MT1G: variants seen among roughly 807,000 people sequenced by gnomAD.
The protein encoded by MT1G is metallothionein 1G, also known as metallothionein-1G.
MT1G carries 8 observed loss-of-function variants against 9.1 expected under a neutral mutation model. That is an observed-to-expected ratio of 0.87 (90% CI 0.51 to 1.58). The LOEUF (loss-of-function observed/expected upper bound fraction) is 1.58. MT1G is among the 40% of genes most tolerant of loss of function. The pLI, the probability that MT1G is intolerant of heterozygous loss-of-function variation, is 0.00. For synonymous variants in MT1G, 31 were observed against 28.4 expected, an observed-to-expected ratio of 1.09 and a Z score of -0.29; for missense variants, 79 against 77.3, an observed-to-expected ratio of 1.02 and a Z score of -0.08.
chr16:56,667,942 G>A (rs1356319547), intron 1 of MT1G, 24 bp downstream of exon 1: 4 of 1,613,656 alleles, frequency 2.5e-6, no homozygotes, highest in African/African-American at 2.7e-5. Context: ...GCATCCCAAG[G>A]CACAGAACCC....
In MT1G at chr16:56,667,308, T is replaced by A. The variant is rs554864821; in HGVS notation, c.97+4A>T. 1.2e-5 allele frequency: 19 copies of A among 1,614,236 alleles called. No individual in the cohort carries two copies. In the African/African-American group the frequency reaches 2.0e-4, roughly 17 times the overall value. On this transcript the variant is annotated splice_donor_region_variant and intron_variant, in intron 2 of 2. Coordinates refer to ENST00000379811, the MANE Select transcript of MT1G (RefSeq NM_001301267.2). ...CAGATTCCTGGAGATGGCCCCGCACTCACTCTTCTTGCAGGAGGTGCATTT... is the reference window on the plus strand; with the variant it reads ...CAGATTCCTGGAGATGGCCCCGCACACACTCTTCTTGCAGGAGGTGCATTT...
At position 56,667,970 on chromosome 16, in the gene MT1G, G is replaced by A; in HGVS notation, c.24C>T (p.Ala8=). MDPNCSC[A]AAGVSCTCAS... ...CAGAACCCGGGCGTCCCTTACCAGC[G>A]GCACAGGAGCAGTTGGGGTCCATTG... Residue 8 remains alanine, a synonymous_variant, in exon 1 of 3, where the codon GCC becomes GCT. Transcript: ENST00000379811. 1 of 1,613,888 alleles carries A rather than the reference G, an allele frequency of 6.2e-7. No homozygotes were observed. The highest frequency in any genetic ancestry group is 8.5e-7 in the Non-Finnish European group (1 of 1,179,854).
At position 56,668,048 on chromosome 16, in the gene MT1G, G is replaced by T; in HGVS notation, c.-55C>A. ...AGCGAGAAGGGAAGAGGCAGTGGGT[G>T]CACGTGGAAGGCGGAGTGGAGCCCA... On this transcript the variant is annotated 5_prime_UTR_variant, in exon 1 of 3. Coordinates refer to ENST00000379811, the MANE Select transcript of MT1G (RefSeq NM_001301267.2). 1 of 1,589,712 alleles carries T rather than the reference G, an allele frequency of 6.3e-7. No individual in the cohort carries two copies. Among genetic ancestry groups the T allele is most frequent in the Admixed American group, 1.7e-5 (1 of 59,862 alleles).
chr16:56,668,012 T>C lies in MT1G; in HGVS notation c.-19A>G, dbSNP rs757112653. 3.1e-6 allele frequency: 5 copies of C among 1,613,348 alleles called. No homozygotes were observed. Among genetic ancestry groups the C allele is most frequent in the East Asian group, 2.2e-5 (1 of 44,850 alleles). On this transcript the variant is annotated 5_prime_UTR_variant, in exon 1 of 3. Coordinates refer to ENST00000379811, the MANE Select transcript of MT1G (RefSeq NM_001301267.2). ...GGTCCATTGCAACCCGAGGCGAGAC[T>C]AGAGTTCCCAAGCGAGAAGGGAAGA...
In MT1G at chr16:56,666,907, G is replaced by T. The variant is rs140791442; in HGVS notation, c.161C>A (p.Ala54Glu). Residue 54 changes from alanine (A) to glutamate (E), a missense_variant, in exon 3 of 3, where the codon GCA becomes GAA. Physicochemically the swap from Ala to Glu is moderately radical, Grantham distance 107 (BLOSUM62 -1). Transcript: ENST00000379811. ...KCAQGCICKG[A>E]SEKCSCCA Reference sequence around the variant, plus strand: ...GGCGCAGCAGCTGCACTTCTCCGATGCCCCTTTGCAGATGCAGCCCTGGGC... The same window carrying T: ...GGCGCAGCAGCTGCACTTCTCCGATTCCCCTTTGCAGATGCAGCCCTGGGC... 1 of 1,614,128 alleles carries T rather than the reference G, an allele frequency of 6.2e-7. No homozygotes were observed. Among genetic ancestry groups the T allele is most frequent in the East Asian group, 2.2e-5 (1 of 44,904 alleles).
chr16:56,667,190 A>T, intron 2 of MT1G, 122 bp downstream of exon 2: 1 of 1,583,502 alleles, frequency 6.3e-7, no homozygotes, highest in Non-Finnish European at 8.6e-7. Context: ...CTAGACAGGC[A>T]GTGACAACCT....
At chr16:56,667,891 C>T in intron 1 of MT1G, 75 bp downstream of exon 1, 2 of 1,568,658 alleles carry the variant, frequency 1.3e-6, no homozygotes, top group South Asian at 2.2e-5. Context: ...AATACGACCT[C>T]CTCAAACCCA....
Position 56,667,144 on chromosome 16 carries a change from G to A in MT1G, c.97+168C>T, listed in dbSNP as rs2144349625. ...GAATGGGTCTTCCTTTGAGAAAGCTGCCCCACCTCACATAAGCCCTGGAAA... is the reference window on the plus strand; with the variant it reads ...GAATGGGTCTTCCTTTGAGAAAGCTACCCCACCTCACATAAGCCCTGGAAA... On this transcript the variant is annotated intron_variant, in intron 2 of 2. Transcript: ENST00000379811. 3.9e-6 allele frequency: 6 copies of A among 1,539,094 alleles called. No individual in the cohort carries two copies. In the South Asian group the frequency reaches 5.7e-5, roughly 15 times the overall value.
intron 2 of MT1G, 35 bp downstream of exon 2, chr16:56,667,277 C>T: frequency 6.2e-7 from 1 of 1,614,256 alleles, no homozygotes; most frequent in Non-Finnish European, 8.5e-7. Context: ...ACCTTAGCCA[C>T]AGCCCCAGAT....
In MT1G at chr16:56,668,061, G is replaced by T. The variant is rs192718732; in HGVS notation, c.-68C>A. On this transcript the variant is annotated 5_prime_UTR_variant, in exon 1 of 3. Coordinates refer to ENST00000379811, the MANE Select transcript of MT1G (RefSeq NM_001301267.2). ...GAGGCAGTGGGTGCACGTGGAAGGC[G>T]GAGTGGAGCCCAACAGCCAGCGGCT... 596 of 1,552,704 alleles carry T rather than the reference G, an allele frequency of 3.8e-4. 3 individuals carry two copies. In the African/African-American group the frequency reaches 6.3e-3, roughly 17 times the overall value.
Position 56,666,982 on chromosome 16 carries a change from A to G in MT1G, c.98-12T>C. 2 of 1,613,794 alleles carry G rather than the reference A, an allele frequency of 1.2e-6. No homozygotes were observed. Among genetic ancestry groups the G allele is most frequent in the African/African-American group, 1.3e-5 (1 of 75,034 alleles). The stretch of plus-strand genomic sequence containing the variant: ...GCAGGAGCAGCAGCCTGGGGAGGAA[A>G]GGAGATTGAGAGGTCAGAGCAGACT... On this transcript the variant is annotated splice_polypyrimidine_tract_variant and intron_variant, in intron 2 of 2. Coordinates refer to ENST00000379811, the MANE Select transcript of MT1G (RefSeq NM_001301267.2).
chr16:56,667,004 G>C, intron 2 of MT1G, 34 bp from the exon 3 acceptor site: 1 of 1,612,058 alleles, frequency 6.2e-7, no homozygotes, highest in Non-Finnish European at 8.5e-7. Context: ...GGTCAGAGCA[G>C]ACTCGATCAG....
rs749764712 is a variant in MT1G, at chr16:56,667,982, G to T, written c.12C>A (p.Asn4Lys). The change falls in exon 1 of 3, where the codon AAC (asparagine) becomes AAA (lysine). Residue 4 changes from asparagine (N) to lysine (K), a missense_variant. Coordinates refer to ENST00000379811, the MANE Select transcript of MT1G (RefSeq NM_001301267.2). ...GTCCCTTACCAGCGGCACAGGAGCA[G>T]TTGGGGTCCATTGCAACCCGAGGCG... is the stretch of plus-strand genomic sequence containing the variant. MDP[N>K]CSCAAAGVSC... The T allele has an allele frequency of 6.2e-7, 1 of 1,613,954 alleles. No individual in the cohort carries two copies.
chr16:56,667,983 T>G lies in MT1G; in HGVS notation c.11A>C (p.Asn4Thr). Residue 4 changes from asparagine to threonine, a missense_variant, in exon 1 of 3, where the codon AAC becomes ACC. By Grantham distance (65) the Asn-to-Thr change is moderately conservative. Transcript: ENST00000379811. Reference sequence around the variant, plus strand: ...TCCCTTACCAGCGGCACAGGAGCAGTTGGGGTCCATTGCAACCCGAGGCGA... The same window carrying G: ...TCCCTTACCAGCGGCACAGGAGCAGGTGGGGTCCATTGCAACCCGAGGCGA... MDP[N>T]CSCAAAGVSC... The G allele has an allele frequency of 1.2e-6, 2 of 1,613,990 alleles. No individual in the cohort carries two copies. The highest frequency in any genetic ancestry group is 1.7e-6 in the Non-Finnish European group (2 of 1,179,914).
chr16:56,667,371 G>A lies in MT1G; in HGVS notation c.38C>T (p.Ser13Phe), dbSNP rs144657966. 279 of 1,614,220 alleles carry A rather than the reference G, an allele frequency of 1.7e-4. No homozygotes were observed. The highest frequency in any genetic ancestry group is 6.7e-4 in the Admixed American group (40 of 60,030). Residue 13 changes from serine to phenylalanine, a missense_variant, in exon 2 of 3, where the codon TCC (serine) becomes TTC (phenylalanine). Transcript: ENST00000379811. ...CTTGCAGGAGCTGGCGCAGGTGCAG[G>A]AGACACCTGCTAGAAGAGAAAAAGC... is the stretch of plus-strand genomic sequence containing the variant. Reference protein sequence around the residue: ...PNCSCAAAGVSCTCASSCKCK... With the variant: ...PNCSCAAAGVFCTCASSCKCK...
At chr16:56,667,059 C>T in intron 2 of MT1G, 89 bp from the exon 3 acceptor site, 1 of 1,596,226 alleles carries the variant, frequency 6.3e-7, no homozygotes. Flanking sequence ...CCCTCCAGCC[C>T]CAGAGGACCC....
At chr16:56,667,814 C>T (rs1960807212) in intron 1 of MT1G, 152 bp downstream of exon 1, 1 of 902,174 alleles carries the variant, frequency 1.1e-6, no homozygotes, top group South Asian at 1.4e-5. Context: ...AGGAAAATGC[C>T]CTCAGGAGCT....
At position 56,666,785 on chromosome 16, in the gene MT1G, A is replaced by G; in HGVS notation, c.*94T>C. The G allele has an allele frequency of 6.6e-7, 1 of 1,508,150 alleles. No homozygotes were observed. The highest frequency in any genetic ancestry group is 8.9e-7 in the Non-Finnish European group (1 of 1,119,858). 93.4% of individuals were successfully genotyped at this position (1,508,150 alleles called of 1,614,324 possible). ...TCACATATTTCACAGAAAAAAAGGA[A>G]TGTAGCAAAGGGGTCAAGATTGTAG... On this transcript the variant is annotated 3_prime_UTR_variant, in exon 3 of 3. Coordinates refer to ENST00000379811, the MANE Select transcript of MT1G (RefSeq NM_001301267.2).
Position 56,668,060 on chromosome 16 carries a change from C to T in MT1G, c.-67G>A. ...AGAGGCAGTGGGTGCACGTGGAAGG[C>T]GGAGTGGAGCCCAACAGCCAGCGGC... On this transcript the variant is annotated 5_prime_UTR_variant, in exon 1 of 3. Coordinates refer to ENST00000379811, the MANE Select transcript of MT1G (RefSeq NM_001301267.2). The T allele has an allele frequency of 6.4e-7, 1 of 1,555,098 alleles. No homozygotes were observed. Among genetic ancestry groups the T allele is most frequent in the Non-Finnish European group, 8.9e-7 (1 of 1,127,602 alleles).
Sources: gnomAD v4.1 joint callset for allele counts on GRCh38, gnomAD v4.1.1 for gene constraint, MANE v1.5 for transcripts, NCBI Gene and HGNC (gene_info 2026-07-23, HGNC 2026-07-21) for gene names.